DNAH7: variants seen among roughly 807,000 people sequenced by gnomAD.
DNAH7 encodes axonemal beta dynein heavy chain 7.
In DNAH7, 397 loss-of-function variants were observed where a neutral mutation model predicts 444.6. The observed-to-expected ratio is 0.89, with a 90% CI of 0.82 to 0.97. The LOEUF (loss-of-function observed/expected upper bound fraction) is 0.97. Among genes scored for constraint, DNAH7 ranks in the 50% least tolerant of loss-of-function variants. The pLI is 0.00. For synonymous variants in DNAH7, 1,636 were observed against 1,624.4 expected (o/e 1.01, Z -0.17); for missense variants, 4,902 against 4,800.8 (o/e 1.02, Z -0.62).
chr2:195,820,778 G>A (rs909505585), intron 49 of DNAH7, among the ~76,000 whole-genome samples: 22 of 152,002 alleles, frequency 1.4e-4, no homozygotes, highest in African/African-American at 4.8e-4. Context: ...ATTTTAATTC[G>A]AATCATAAAA....
At chr2:195,986,743 T>C (rs1031332450) in intron 14 of DNAH7, among the ~76,000 whole-genome samples, 13 of 152,196 alleles carry the variant, frequency 8.5e-5, no homozygotes, top group Non-Finnish European at 1.5e-4. Context: ...AAATCCACTT[T>C]GAAACCCACT....
At chr2:195,837,027 T>C (rs1698411271) in intron 47 of DNAH7, among the ~76,000 whole-genome samples, 1 of 152,240 alleles carries the variant, frequency 6.6e-6, no homozygotes, top group African/African-American at 2.4e-5. Context: ...CCATGTTATA[T>C]TTATGGTATT....
chr2:195,882,909 T>C (rs1701482893), intron 35 of DNAH7, among the ~76,000 whole-genome samples: 1 of 152,194 alleles, frequency 6.6e-6, no homozygotes, highest in Non-Finnish European at 1.5e-5. Context: ...ATGACTGTCA[T>C]CTGAAGAGGT....
intron 36 of DNAH7, among the ~76,000 whole-genome samples, chr2:195,878,280 T>C (rs1214520748): frequency 2.0e-5 from 3 of 152,206 alleles, no homozygotes; most frequent in Admixed American, 6.5e-5. Flanking sequence ...CAATAAATTT[T>C]TGTTGGATTG....
intron 41 of DNAH7, among the ~76,000 whole-genome samples, chr2:195,863,250 G>A (rs1019721755): frequency 1.3e-5 from 2 of 152,186 alleles, no homozygotes; most frequent in Non-Finnish European, 2.9e-5. Flanking sequence ...AATTTTACCA[G>A]GAAGTAGAGA....
intron 18 of DNAH7, among the ~76,000 whole-genome samples, chr2:195,959,792 C>T (rs899801788): frequency 6.6e-5 from 10 of 152,162 alleles, no homozygotes; most frequent in South Asian, 6.2e-4. Flanking sequence ...CACTTACTTG[C>T]CATCCCGCAT....
In DNAH7 at chr2:195,771,946, G is replaced by A. The variant is rs1002973856; in HGVS notation, c.11203-56C>T. The A allele has an allele frequency of 1.6e-5, 22 of 1,407,336 alleles. No individual in the cohort carries two copies. The African/African-American group carries it at 2.7e-4, about 17-fold the overall frequency. 87.2% of individuals were successfully genotyped at this position (1,407,336 alleles called of 1,614,324 possible). On this transcript the variant is annotated intron_variant, in intron 60 of 64. Coordinates refer to ENST00000312428, the MANE Select transcript of DNAH7 (RefSeq NM_018897.3). ...TCCTCATAAAGGTCTAACAATAGCT[G>A]AATAGGAAAAATCCTAAGGTAAATC...
chr2:195,844,698 G>A (rs1698880280), intron 47 of DNAH7, among the ~76,000 whole-genome samples: 2 of 152,046 alleles, frequency 1.3e-5, no homozygotes, highest in Admixed American at 1.3e-4. Context: ...ACAAAACCCT[G>A]TATTTTATGG....
At chr2:195,894,440 A>G (rs1297065256) in intron 30 of DNAH7, 1 of 152,242 alleles carries the variant, frequency 6.6e-6, no homozygotes, top group East Asian at 1.9e-4. Flanking sequence ...ACTATTTGAA[A>G]TATCTATAAG....
At chr2:195,892,663 A>C (rs1559193689) in intron 30 of DNAH7, 1 of 152,084 alleles carries the variant, frequency 6.6e-6, no homozygotes, top group Non-Finnish European at 1.5e-5. Context: ...ATTACTATTA[A>C]CTAAAGTCTA....
rs986404322 is a variant in DNAH7, at chr2:195,823,597, TCTC to T, written c.9291+655_9291+657del. On this transcript the variant is annotated intron_variant, in intron 49 of 64. Coordinates refer to ENST00000312428, the MANE Select transcript of DNAH7 (RefSeq NM_018897.3). ...AATCTAAATAAGCTTCTTAATGTCT[TCTC>T]CTGCTTGCCTCTGTAAATGAAAGCA... Among the ~76,000 whole-genome samples, 38 of 152,222 alleles carry T rather than the reference TCTC, an allele frequency of 2.5e-4. 1 individual carries two copies. Among genetic ancestry groups the T allele is most frequent in the African/African-American group, 1.7e-4 (7 of 41,536 alleles).
intron 61 of DNAH7, among the ~76,000 whole-genome samples, chr2:195,758,366 G>A (rs1347869267): frequency 6.6e-6 from 1 of 152,026 alleles, no homozygotes; most frequent in East Asian, 1.9e-4. Context: ...CTGATTTTTT[G>A]TTTCTTCTTG....
At position 195,923,723 on chromosome 2, in the gene DNAH7, G is replaced by A. The variant is rs779775861; in HGVS notation, c.3697C>T (p.Arg1233Cys). 9.0e-5 allele frequency: 145 copies of A among 1,613,952 alleles called. No individual in the cohort carries two copies. Among genetic ancestry groups the A allele is most frequent in the Middle Eastern group, 1.6e-4 (1 of 6,084 alleles). Residue 1233 changes from arginine to cysteine, a missense_variant, in exon 23 of 65, where the codon CGC (arginine) becomes TGC (cysteine). By Grantham distance (180) the Arg-to-Cys change is radical (BLOSUM62 -3). Coordinates refer to ENST00000312428, the MANE Select transcript of DNAH7 (RefSeq NM_018897.3). ...ACCACAAGTGCTCCCAGAGTTACGCGATTCTGCATGGACAATTTGCCACGC... is the reference window on the plus strand; with the variant it reads ...ACCACAAGTGCTCCCAGAGTTACGCAATTCTGCATGGACAATTTGCCACGC... Reference protein sequence around the residue: ...LVRGKLSMQNRVTLGALVVLD... With the variant: ...LVRGKLSMQNCVTLGALVVLD...
Position 195,934,771 on chromosome 2 carries a change from C to A in DNAH7, c.3291G>T (p.Lys1097Asn). Residue 1097 changes from lysine to asparagine, a missense_variant, in exon 21 of 65, where the codon AAG (lysine) becomes AAT (asparagine). Physicochemically the swap from Lys to Asn is moderately conservative, Grantham distance 94. Transcript: ENST00000312428. ...CCTTTGCGATTCCTTCAAAACATTT[C>A]TTCAAGTGAGGTTGCACCCTGTCAG... ...KDPTRVQPHL[K>N]KCFEGIAKVE... 1 of 1,614,056 alleles carries A rather than the reference C, an allele frequency of 6.2e-7. No individual in the cohort carries two copies. Among genetic ancestry groups the A allele is most frequent in the South Asian group, 1.1e-5 (1 of 91,078 alleles).
At chr2:195,997,647 C>T (rs572936697) in intron 12 of DNAH7, among the ~76,000 whole-genome samples, 48 of 151,994 alleles carry the variant, frequency 3.2e-4, no homozygotes, top group Non-Finnish European at 5.3e-4. Context: ...ACTCATGGTG[C>T]GTTAACCCAT....
chr2:196,060,603 T>C (rs1698082014), intron 1 of DNAH7, among the ~76,000 whole-genome samples: 1 of 152,258 alleles, frequency 6.6e-6, no homozygotes, highest in Non-Finnish European at 1.5e-5. Flanking sequence ...TTCACTAGTA[T>C]GCAAACATGT....
At chr2:195,873,432 G>C (rs1037851492) in intron 39 of DNAH7, 136 bp downstream of exon 39, 1 of 515,486 alleles carries the variant, frequency 1.9e-6, no homozygotes, top group African/African-American at 2.0e-5. Context: ...CAGGAACAGA[G>C]GCAAACGATG....
At chr2:195,794,611 G>A (rs1468424928) in intron 56 of DNAH7, 73 bp from the exon 57 acceptor site, 8 of 1,412,758 alleles carry the variant, frequency 5.7e-6, no homozygotes, top group Admixed American at 1.7e-5. Flanking sequence ...ACATATGAAG[G>A]ATGAGTTGGA....
At chr2:196,003,950 A>T (rs546625836) in intron 10 of DNAH7, among the ~76,000 whole-genome samples, 1 of 152,354 alleles carries the variant, frequency 6.6e-6, no homozygotes, top group Admixed American at 6.5e-5. Flanking sequence ...AAGAGCCTTC[A>T]AACTTAGTCC....
Sources: allele counts gnomAD v4.1 joint callset (sites outside exome capture counted in the v4.1 genomes callset), GRCh38; gene constraint gnomAD v4.1.1; transcripts MANE v1.5; gene names NCBI Gene and HGNC (gene_info 2026-07-23, HGNC 2026-07-21).